C4BPA: variants seen among roughly 807,000 people sequenced by gnomAD.
C4BPA encodes complement component 4 binding protein alpha.
Under a neutral mutation model 63.7 loss-of-function variants are expected in C4BPA, and 31 were observed. The observed-to-expected ratio is 0.49, with a 90% CI of 0.37 to 0.66. The LOEUF (loss-of-function observed/expected upper bound fraction) is 0.66. Ranked by LOEUF, C4BPA falls within the 30% of genes least tolerant of loss-of-function variation. The pLI is 0.00. For synonymous variants in C4BPA, 259 were observed against 254.7 expected, an observed-to-expected ratio of 1.02 and a Z score of -0.16; for missense variants, 572 against 723.3, an observed-to-expected ratio of 0.79 and a Z score of 2.40.
chr1:207,127,739 G>A (rs1685077339), intron 7 of C4BPA, among the ~76,000 whole-genome samples: 1 of 152,178 alleles, frequency 6.6e-6, no homozygotes, highest in Admixed American at 6.5e-5. Flanking sequence ...AACAAACCGA[G>A]AAGCATTTAT....
At position 207,144,600 on chromosome 1, in the gene C4BPA, C is replaced by G. The variant is rs777766032; in HGVS notation, c.1677C>G (p.Leu559=). The G allele has an allele frequency of 6.8e-6, 11 of 1,613,400 alleles. No homozygotes were observed. The highest frequency in any genetic ancestry group is 8.5e-6 in the Non-Finnish European group (10 of 1,179,766). Residue 559 remains leucine, a synonymous_variant, in exon 12 of 12, where the codon CTC becomes CTG. Coordinates refer to ENST00000367070, the MANE Select transcript of C4BPA (RefSeq NM_000715.4). ...CAGGCAAAAGACTCATGCAGTGTCT[C>G]CCAAACCCAGAGGATGTGAAAATGG... ...VLTGKRLMQC[L]PNPEDVKMAL... is the part of the protein sequence containing the mutation.
At chr1:207,111,212 T>C (rs1684661416) in intron 1 of C4BPA, among the ~76,000 whole-genome samples, 1 of 151,958 alleles carries the variant, frequency 6.6e-6, no homozygotes, top group African/African-American at 2.4e-5. Context: ...AGGAGGATAA[T>C]GGGAAAAAAG....
At chr1:207,109,140 C>T (rs1684616064) in intron 1 of C4BPA, among the ~76,000 whole-genome samples, 1 of 152,220 alleles carries the variant, frequency 6.6e-6, no homozygotes, top group Non-Finnish European at 1.5e-5. Flanking sequence ...CAGCATTCCT[C>T]TGCTGTGCAT....
rs79514291 is a variant in C4BPA, at chr1:207,108,534, G to A, written c.-26+4104G>A. ...TTTATTTCATTGCCTTTAGAAAGAC[G>A]TAATTTGAGCACCAGAATTTAACTA... On this transcript the variant is annotated intron_variant, in intron 1 of 11. Coordinates refer to ENST00000367070, the MANE Select transcript of C4BPA (RefSeq NM_000715.4). Among the ~76,000 whole-genome samples, 994 of 152,256 alleles carry A rather than the reference G, an allele frequency of 6.5e-3. 11 individuals carry two copies. Among genetic ancestry groups the A allele is most frequent in the African/African-American group, 0.023 (941 of 41,538 alleles).
chr1:207,112,943 G>A, intron 1 of C4BPA, 58 bp from the exon 2 acceptor site: 1 of 1,447,230 alleles, frequency 6.9e-7, no homozygotes, highest in Non-Finnish European at 9.2e-7. Flanking sequence ...ATTTATTCTA[G>A]TGCTTTATGA....
intron 1 of C4BPA, among the ~76,000 whole-genome samples, chr1:207,109,820 G>A (rs1684629086): frequency 6.6e-6 from 1 of 152,222 alleles, no homozygotes. Flanking sequence ...TTCAGTTTAA[G>A]AATGGAAGAG....
Position 207,144,616 on chromosome 1 carries a change from G to A in C4BPA, c.1693G>A (p.Val565Met). ...GCAGTGTCTCCCAAACCCAGAGGAT[G>A]TGAAAATGGCCCTGGAGGTATATAA... ...LMQCLPNPED[V>M]KMALEVYKLS... The change falls in exon 12 of 12, where the codon GTG (valine) becomes ATG (methionine). Residue 565 changes from valine (V) to methionine (M), a missense_variant. Val to Met is a conservative substitution (Grantham distance 21, BLOSUM62 1). Coordinates refer to ENST00000367070, the MANE Select transcript of C4BPA (RefSeq NM_000715.4). The A allele has an allele frequency of 6.2e-7, 1 of 1,613,558 alleles. No individual in the cohort carries two copies. Among genetic ancestry groups the A allele is most frequent in the Non-Finnish European group, 8.5e-7 (1 of 1,179,752 alleles).
At chr1:207,129,884 C>A (rs909620009) in intron 7 of C4BPA, among the ~76,000 whole-genome samples, 1 of 151,948 alleles carries the variant, frequency 6.6e-6, no homozygotes, top group African/African-American at 2.4e-5. Flanking sequence ...TCATTTCTGG[C>A]GCTCTTTATT....
At chr1:207,106,118 C>A (rs1684553275) in intron 1 of C4BPA, among the ~76,000 whole-genome samples, 2 of 152,166 alleles carry the variant, frequency 1.3e-5, no homozygotes, top group African/African-American at 4.8e-5. Flanking sequence ...GGAACTCCAA[C>A]TTGTGTCTTC....
Position 207,131,648 on chromosome 1 carries a change from G to A in C4BPA, c.992G>A (p.Arg331His), listed in dbSNP as rs200791483. Residue 331 changes from arginine (R) to histidine (H), a missense_variant, in exon 8 of 12, where the codon CGC becomes CAC. Arg to His is a conservative substitution (Grantham distance 29). Around this residue, in one of 2 missense-constraint regions of C4BPA, gnomAD observed 465 missense variants for 629.4 expected, o/e 0.74. Coordinates refer to ENST00000367070, the MANE Select transcript of C4BPA (RefSeq NM_000715.4). The stretch of plus-strand genomic sequence containing the variant: ...GTTGTTGGGACTGTGTTAAGGTACC[G>A]CTGTCATCCTGGCTACAAACCCACT... The part of the protein sequence containing the change: ...VYVVGTVLRY[R>H]CHPGYKPTTD... 134 of 1,613,550 alleles carry A rather than the reference G, an allele frequency of 8.3e-5. No individual in the cohort carries two copies. Among genetic ancestry groups the A allele is most frequent in the African/African-American group, 1.5e-4 (11 of 74,884 alleles).
chr1:207,130,035 A>G (rs1235891625), intron 7 of C4BPA, among the ~76,000 whole-genome samples: 2 of 152,176 alleles, frequency 1.3e-5, no homozygotes, highest in African/African-American at 2.4e-5. Context: ...AATTATATAC[A>G]TATTGTTTTA....
rs567836367 is a variant in C4BPA, at chr1:207,122,998, G to A, written c.429-924G>A. On this transcript the variant is annotated intron_variant, in intron 4 of 11. Coordinates refer to ENST00000367070, the MANE Select transcript of C4BPA (RefSeq NM_000715.4). ...CTATTAGTTTTCTCTTATCTTTTCC[G>A]TTTGTTTCATTTTTGTTGATTTTCT... Among the ~76,000 whole-genome samples, 9 of 151,624 alleles carry A rather than the reference G, an allele frequency of 5.9e-5. No homozygotes were observed. In the East Asian group the frequency reaches 7.7e-4, roughly 13 times the overall value.
chr1:207,111,022 A>C lies in C4BPA; in HGVS notation c.-25-1979A>C, dbSNP rs7530943. Among the ~76,000 whole-genome samples, 1,045 of 152,368 alleles carry C rather than the reference A, an allele frequency of 6.9e-3. 12 individuals carry two copies. The highest frequency in any genetic ancestry group is 0.023 in the African/African-American group (971 of 41,580). ...TCTACTCATTGTCAAAAATTGAAGA[A>C]ACTTTTTCCCATAGTTTTCATAGTT... On this transcript the variant is annotated intron_variant, in intron 1 of 11. Coordinates refer to ENST00000367070, the MANE Select transcript of C4BPA (RefSeq NM_000715.4).
chr1:207,125,444 G>A (rs73079130), intron 6 of C4BPA, among the ~76,000 whole-genome samples: 9,014 of 152,236 alleles, frequency 0.059, 575 homozygotes, highest in African/African-American at 0.16. Flanking sequence ...CCAAACTCAT[G>A]ATAAAACCTA....
At chr1:207,105,637 G>A (rs2102324789) in intron 1 of C4BPA, among the ~76,000 whole-genome samples, 1 of 151,842 alleles carries the variant, frequency 6.6e-6, no homozygotes, top group African/African-American at 2.4e-5. Flanking sequence ...TCTGGAGTTT[G>A]TAAGTGATAT....
intron 9 of C4BPA, among the ~76,000 whole-genome samples, chr1:207,137,137 T>C (rs1005351220): frequency 1.3e-5 from 2 of 152,254 alleles, no homozygotes; most frequent in African/African-American, 4.8e-5. Context: ...AAAATTTGTG[T>C]GCTTTTCCCT....
At chr1:207,141,876 G>T (rs1685422983) in intron 10 of C4BPA, among the ~76,000 whole-genome samples, 1 of 152,062 alleles carries the variant, frequency 6.6e-6, no homozygotes, top group Admixed American at 6.6e-5. Flanking sequence ...GTATTTATTT[G>T]CCATCATTGT....
At chr1:207,112,974 A>G (rs1684700399) in intron 1 of C4BPA, 27 bp from the exon 2 acceptor site, 3 of 1,537,958 alleles carry the variant, frequency 2.0e-6, no homozygotes, top group Non-Finnish European at 2.6e-6. Flanking sequence ...TTCAATGACT[A>G]TTTATTAAAT....
chr1:207,131,667 A>C lies in C4BPA; in HGVS notation c.1011A>C (p.Lys337Asn). 1 of 1,613,956 alleles carries C rather than the reference A, an allele frequency of 6.2e-7. No individual in the cohort carries two copies. The highest frequency in any genetic ancestry group is 8.5e-7 in the Non-Finnish European group (1 of 1,179,950). ...VLRYRCHPGY[K>N]PTTDEPTTVI... Reference sequence around the variant, plus strand: ...GGTACCGCTGTCATCCTGGCTACAAACCCACTACAGATGAGCCTACGACTG... The same window carrying C: ...GGTACCGCTGTCATCCTGGCTACAACCCCACTACAGATGAGCCTACGACTG... Residue 337 changes from lysine to asparagine, a missense_variant, in exon 8 of 12, where the codon AAA becomes AAC. Lys to Asn is a moderately conservative substitution (Grantham distance 94). This residue lies in a region of C4BPA where 465 missense variants were observed against 629.4 expected (regional missense o/e 0.74). Coordinates refer to ENST00000367070, the MANE Select transcript of C4BPA (RefSeq NM_000715.4).
Sources: gnomAD v4.1 joint callset for allele counts (sites outside exome capture counted in the v4.1 genomes callset) on GRCh38, gnomAD v4.1.1 for gene constraint, gnomAD v4.1.1 regional missense constraint, MANE v1.5 for transcripts, NCBI Gene and HGNC (gene_info 2026-07-23, HGNC 2026-07-21) for gene names.